The following PSMG4 variants were observed in gnomAD, a reference collection of about 807,000 sequenced individuals.
PSMG4 encodes the protein proteasome (prosome, macropain) assembly chaperone 4.
PSMG4 carries 10 observed loss-of-function variants against 11.0 expected under a neutral mutation model. That is an observed-to-expected ratio of 0.91 (90% CI 0.56 to 1.54). PSMG4 has a LOEUF of 1.54. PSMG4 is among the 40% of genes most tolerant of loss of function. PSMG4 has a pLI of 0.00. For synonymous variants in PSMG4, 95 were observed against 71.3 expected (o/e 1.33, Z -1.68); for missense variants, 198 against 160.9 (o/e 1.23, Z -1.25).
At chr6:3,261,462 GA>G (rs1326735439) in intron 1 of PSMG4, among the ~76,000 whole-genome samples, 1 of 152,182 alleles carries the variant, frequency 6.6e-6, no homozygotes, top group Non-Finnish European at 1.5e-5. Flanking sequence ...GGTAAGTTTG[GA>G]AGAAGTAGGC....
At position 3,259,082 on chromosome 6, in the gene PSMG4, G is replaced by A; in HGVS notation, c.60G>A (p.Arg20=). 1 of 1,271,152 alleles carries A rather than the reference G, an allele frequency of 7.9e-7. No individual in the cohort carries two copies. The allele number at this position is 1,271,152 out of a possible 1,614,324, so 78.7% of individuals were successfully genotyped here. A position where few individuals can be genotyped will look rare whatever the true frequency, so the allele number is the denominator to read the frequency against. Residue 20 remains arginine, a synonymous_variant, in exon 1 of 3, where the codon AGG becomes AGA. Coordinates refer to ENST00000438998, the MANE Select transcript of PSMG4 (RefSeq NM_001128591.2). ...GDVSLHNFSA[R]LWEQLVHFHV... ...TCTCCCTGCACAACTTCAGCGCGAG[G>A]CTGTGGGAGCAGCTGGTCCACTTCC...
At chr6:3,261,719 C>T (rs553463161) in intron 1 of PSMG4, among the ~76,000 whole-genome samples, 1 of 152,294 alleles carries the variant, frequency 6.6e-6, no homozygotes, top group African/African-American at 2.4e-5. Flanking sequence ...TAGCTTAAGG[C>T]AGGAAGCCCA....
At chr6:3,259,483 G>A (rs1561840236) in intron 1 of PSMG4, among the ~76,000 whole-genome samples, 1 of 152,256 alleles carries the variant, frequency 6.6e-6, no homozygotes, top group Non-Finnish European at 1.5e-5. Context: ...CCACACGCTC[G>A]CTGGGGGACG....
intron 2 of PSMG4, chr6:3,264,381 A>G: frequency 1.3e-6 from 2 of 1,523,658 alleles, no homozygotes; most frequent in Non-Finnish European, 8.8e-7. Context: ...GCCAGTGTGC[A>G]CAGGATGCCT....
upstream of PSMG4, chr6:3,255,282 T>A: frequency 6.5e-7 from 1 of 1,536,492 alleles, no homozygotes; most frequent in Non-Finnish European, 8.8e-7. Context: ...CTTACGGGTC[T>A]ATCGGTGCCC....
chr6:3,259,952 G>T (rs1290362522), intron 1 of PSMG4, among the ~76,000 whole-genome samples: 1 of 152,168 alleles, frequency 6.6e-6, no homozygotes, highest in Non-Finnish European at 1.5e-5. Flanking sequence ...TATTCTCAAA[G>T]ATCTGTAGAC....
At chr6:3,262,243 C>T (rs945511347) in intron 1 of PSMG4, among the ~76,000 whole-genome samples, 7 of 152,160 alleles carry the variant, frequency 4.6e-5, no homozygotes, top group African/African-American at 1.7e-4. Flanking sequence ...GCTGGGAGAC[C>T]ACAGTCCTAG....
At chr6:3,263,437 G>A (rs189745917) in intron 1 of PSMG4, among the ~76,000 whole-genome samples, 1 of 152,214 alleles carries the variant, frequency 6.6e-6, no homozygotes, top group Non-Finnish European at 1.5e-5. Context: ...TGTGAAACTG[G>A]TCCTAGAACT....
intron 1 of PSMG4, among the ~76,000 whole-genome samples, chr6:3,260,146 C>T (rs571849580): frequency 1.4e-3 from 208 of 151,772 alleles, no homozygotes; most frequent in African/African-American, 4.6e-3. Context: ...ACTATTTTGC[C>T]CAGGCTGTTC....
At chr6:3,257,223 G>C (rs1451885824), upstream of PSMG4, among the ~76,000 whole-genome samples, 1 of 152,196 alleles carries the variant, frequency 6.6e-6, no homozygotes, top group African/African-American at 2.4e-5. Context: ...TAGTCAAGGG[G>C]AGTGAGAGAG....
Position 3,259,201 on chromosome 6 carries a change from G to A in PSMG4, c.174+5G>A. The A allele has an allele frequency of 7.7e-7, 1 of 1,291,832 alleles. No homozygotes were observed. The highest frequency in any genetic ancestry group is 9.8e-7 in the Non-Finnish European group (1 of 1,021,050). 80.0% of individuals were successfully genotyped at this position (1,291,832 alleles called of 1,614,324 possible). A position where few individuals can be genotyped will look rare whatever the true frequency, so the allele number is the denominator to read the frequency against. On this transcript the variant is annotated splice_donor_5th_base_variant and intron_variant, in intron 1 of 2. Transcript: ENST00000438998. ...GTGGCCATGTGCAGCCGCTACGTGA[G>A]TGCCTGGCGGCCGAGGGTGCGGGCG...
intron 2 of PSMG4, chr6:3,264,541 C>T (rs925091088): frequency 2.0e-5 from 19 of 932,608 alleles, no homozygotes; most frequent in East Asian, 2.9e-5. Flanking sequence ...TAGCATGGCA[C>T]CTGGCCCAGG....
At chr6:3,265,848 A>G (rs773677222) in intron 2 of PSMG4, 4 of 152,030 alleles carry the variant, frequency 2.6e-5, no homozygotes, top group Non-Finnish European at 4.4e-5. Flanking sequence ...CTCTGTGCTA[A>G]GTACTGTAAG....
chr6:3,264,473 C>T, intron 2 of PSMG4: 1 of 1,376,160 alleles, frequency 7.3e-7, no homozygotes, highest in Non-Finnish European at 9.6e-7. Context: ...GGCACAGGAC[C>T]TGGTACCTGA....
intron 2 of PSMG4, chr6:3,264,115 C>T: frequency 2.0e-6 from 3 of 1,512,802 alleles, no homozygotes; most frequent in Non-Finnish European, 2.7e-6. Flanking sequence ...CTCAAGGTAG[C>T]CTCCCGGGCC....
chr6:3,255,522 C>T (rs116397863), upstream of PSMG4, among the ~76,000 whole-genome samples: 612 of 152,324 alleles, frequency 4.0e-3, 3 homozygotes, highest in African/African-American at 0.014. Flanking sequence ...TCCCCACTGC[C>T]CATGAGTCTG....
At chr6:3,261,253 C>T (rs890929467) in intron 1 of PSMG4, among the ~76,000 whole-genome samples, 3 of 151,860 alleles carry the variant, frequency 2.0e-5, no homozygotes, top group South Asian at 2.1e-4. Flanking sequence ...TTTTTTCTTT[C>T]CTGGAGGGTC....
At position 3,263,752 on chromosome 6, in the gene PSMG4, G is replaced by A; in HGVS notation, c.243G>A (p.Gln81=). 2 of 1,551,412 alleles carry A rather than the reference G, an allele frequency of 1.3e-6. No individual in the cohort carries two copies. The highest frequency in any genetic ancestry group is 4.9e-5 in the East Asian group (2 of 40,896). ...ACACGACCTCTACTGGCCTTGCCCA[G>A]CGCCTAGGTATGTACCCACAGCTGG... is the stretch of plus-strand genomic sequence containing the variant. ...TSDTTSTGLA[Q]RLARKTNKQV... Residue 81 remains glutamine, a synonymous_variant, in exon 2 of 3, where the codon CAG becomes CAA. Transcript: ENST00000438998.
intron 1 of PSMG4, among the ~76,000 whole-genome samples, chr6:3,261,551 A>C (rs1035380387): frequency 6.6e-6 from 1 of 152,188 alleles, no homozygotes; most frequent in African/African-American, 2.4e-5. Context: ...TCATCTGGAA[A>C]GTGCCCCTCC....
Sources: gnomAD v4.1 joint callset for allele counts (sites outside exome capture counted in the v4.1 genomes callset) on GRCh38, gnomAD v4.1.1 for gene constraint, MANE v1.5 for transcripts, NCBI Gene and HGNC (gene_info 2026-07-23, HGNC 2026-07-21) for gene names.